CARHSP1: variants seen among roughly 807,000 people sequenced by gnomAD.
The protein encoded by CARHSP1 is calcium regulated heat stable protein 1.
In CARHSP1, 14 loss-of-function variants were observed where a neutral mutation model predicts 12.5. The ratio of observed to expected loss-of-function variants is 1.12; its 90% CI spans 0.74 to 1.75. CARHSP1 has a LOEUF of 1.75. Among genes scored for constraint, CARHSP1 ranks in the 40% most tolerant of loss-of-function variants. The pLI, the probability that CARHSP1 is intolerant of heterozygous loss-of-function variation, is 0.00. For synonymous variants in CARHSP1, 161 were observed against 82.0 expected (o/e 1.96, Z -5.20); for missense variants, 343 against 201.6 (o/e 1.70, Z -4.25).
At chr16:8,860,177 T>A in intron 1 of CARHSP1, 15 of 985,412 alleles carry the variant, frequency 1.5e-5, no homozygotes, top group Non-Finnish European at 1.8e-5. Flanking sequence ...TTTGGATCCC[T>A]GAGCAGCTGT....
intron 2 of CARHSP1, chr16:8,858,889 G>A (rs1037236919): frequency 1.2e-5 from 5 of 420,856 alleles, no homozygotes; most frequent in South Asian, 9.8e-5. Context: ...AGTCTCACAG[G>A]GAACCAGACT....
intron 1 of CARHSP1, among the ~76,000 whole-genome samples, chr16:8,865,220 C>T (rs993859693): frequency 6.6e-6 from 1 of 152,206 alleles, no homozygotes; most frequent in East Asian, 1.9e-4. Flanking sequence ...AGCGATTCTC[C>T]TGCCTTAGCC....
At chr16:8,857,289 T>TTTTTTTTTG in intron 3 of CARHSP1, among the ~76,000 whole-genome samples, 1 of 126,246 alleles carries the variant, frequency 7.9e-6, no homozygotes, top group African/African-American at 3.2e-5. Flanking sequence ...TTTTTTTTTT[T>TTTTTTTTTG]TTTTTTTTTT....
chr16:8,853,622 G>C lies in CARHSP1; in HGVS notation c.*1542C>G, dbSNP rs575451886. The C allele has an allele frequency of 1.3e-5, 2 of 152,318 alleles. No individual in the cohort carries two copies. The highest frequency in any genetic ancestry group is 2.4e-5 in the African/African-American group (1 of 41,562). The allele number at this position is 152,318 out of a possible 1,614,324, so 9.4% of individuals were successfully genotyped here. ...CTGGACGTTTACTGTCTGCCCAAAA[G>C]CCAGTTTCCAAAAGGTTTGCTTGCC... is the stretch of plus-strand genomic sequence containing the variant. On this transcript the variant is annotated 3_prime_UTR_variant, in exon 4 of 4. Transcript: ENST00000311052.
chr16:8,854,957 T>A lies in CARHSP1; in HGVS notation c.*207A>T, dbSNP rs1441486908. Reference sequence around the variant, plus strand: ...ATGCTCTTCAGATGGTGAGAGGTTGTTGCAATGGTCATAGGCTGTGCTGAT... The same window carrying A: ...ATGCTCTTCAGATGGTGAGAGGTTGATGCAATGGTCATAGGCTGTGCTGAT... On this transcript the variant is annotated 3_prime_UTR_variant, in exon 4 of 4. Coordinates refer to ENST00000311052, the MANE Select transcript of CARHSP1 (RefSeq NM_014316.4). 2.4e-6 allele frequency: 1 copy of A among 410,402 alleles called. No homozygotes were observed. The highest frequency in any genetic ancestry group is 4.3e-6 in the Non-Finnish European group (1 of 232,780). 25.4% of individuals were successfully genotyped at this position (410,402 alleles called of 1,614,324 possible).
intron 1 of CARHSP1, chr16:8,868,507 C>T (rs1480618687): frequency 6.7e-6 from 1 of 149,598 alleles, no homozygotes; most frequent in Non-Finnish European, 1.5e-5. Context: ...CCACCTCCCC[C>T]GCCGGGCCTG....
At chr16:8,860,269 C>T in intron 1 of CARHSP1, 1 of 982,880 alleles carries the variant, frequency 1.0e-6, no homozygotes, top group Non-Finnish European at 1.2e-6. Context: ...CATCCAGCTC[C>T]ATCAGGCCCA....
At chr16:8,860,288 C>G (rs1596537804) in intron 1 of CARHSP1, 12 of 984,124 alleles carry the variant, frequency 1.2e-5, no homozygotes, top group Non-Finnish European at 1.4e-5. Flanking sequence ...CAGTGAATTT[C>G]CACACAGCCC....
chr16:8,858,191 CAGG>C (rs1467852755), intron 3 of CARHSP1, 156 bp downstream of exon 3: 8 of 851,032 alleles, frequency 9.4e-6, no homozygotes, highest in South Asian at 3.5e-5. Flanking sequence ...AACACACACA[CAGG>C]AGCACAGCTG....
chr16:8,865,765 A>G (rs894291578), intron 1 of CARHSP1, among the ~76,000 whole-genome samples: 2 of 152,222 alleles, frequency 1.3e-5, no homozygotes, highest in East Asian at 1.9e-4. Context: ...CATCAACTAC[A>G]TGCACGTAAA....
rs1058929 is a variant in CARHSP1, at chr16:8,853,394, T to C, written c.*1770A>G. ...CAGAGGCGGGAGAGGAGGGTGAGGA[T>C]GTACAAGGAGCATCGCAGGCGAGGA... On this transcript the variant is annotated 3_prime_UTR_variant, in exon 4 of 4. Transcript: ENST00000311052. 67,220 of 151,780 alleles carry C rather than the reference T, an allele frequency of 0.44. 15,302 individuals are homozygous for C. Among genetic ancestry groups the C allele is most frequent in the African/African-American group, 0.55 (22,593 of 41,300 alleles). 9.4% of individuals were successfully genotyped at this position (151,780 alleles called of 1,614,324 possible).
At chr16:8,866,396 A>G (rs2061455488) in intron 1 of CARHSP1, 3 of 975,942 alleles carry the variant, frequency 3.1e-6, no homozygotes, top group Non-Finnish European at 3.7e-6. Flanking sequence ...GATCGGGGTG[A>G]GACTCTAGCA....
intron 1 of CARHSP1, among the ~76,000 whole-genome samples, chr16:8,865,270 C>A (rs1421498020): frequency 6.6e-6 from 1 of 152,126 alleles, no homozygotes; most frequent in East Asian, 1.9e-4. Flanking sequence ...CCACCACACC[C>A]AGCCAATTGT....
chr16:8,860,160 C>A (rs750149586), intron 1 of CARHSP1: 9 of 985,344 alleles, frequency 9.1e-6, no homozygotes, highest in South Asian at 4.7e-5. Context: ...AGAGCTCAAG[C>A]GCCACGTTTG....
chr16:8,856,516 G>A (rs192207787), intron 3 of CARHSP1, among the ~76,000 whole-genome samples: 1 of 151,464 alleles, frequency 6.6e-6, no homozygotes, highest in East Asian at 1.9e-4. Flanking sequence ...AATCCTTTCT[G>A]GGACAAGGCA....
intron 3 of CARHSP1, 24 bp downstream of exon 3, chr16:8,858,326 C>T: frequency 6.2e-7 from 1 of 1,610,250 alleles, no homozygotes; most frequent in Non-Finnish European, 8.5e-7. Context: ...CCAGCCAGGC[C>T]ACCCAGACCT....
At chr16:8,858,245 C>G (rs1174721527) in intron 3 of CARHSP1, 105 bp downstream of exon 3, 2 of 1,337,176 alleles carry the variant, frequency 1.5e-6, no homozygotes, top group Non-Finnish European at 1.0e-6. Flanking sequence ...CCCAGCCATT[C>G]GTCCTCACAC....
intron 1 of CARHSP1, among the ~76,000 whole-genome samples, chr16:8,863,696 C>T (rs934354036): frequency 6.6e-6 from 1 of 152,160 alleles, no homozygotes; most frequent in Admixed American, 6.5e-5. Flanking sequence ...CCCCAGTAGG[C>T]CCAGCAGAGA....
Position 8,853,259 on chromosome 16 carries a change from C to A in CARHSP1, c.*1905G>T, listed in dbSNP as rs937954333. 1 of 152,096 alleles carries A rather than the reference C, an allele frequency of 6.6e-6. No individual in the cohort carries two copies. Among genetic ancestry groups the A allele is most frequent in the African/African-American group, 2.4e-5 (1 of 41,384 alleles). The allele number at this position is 152,096 out of a possible 1,614,324, so 9.4% of individuals were successfully genotyped here. ...AGGCTTGGGGCAGTGAAAGCCCTCT[C>A]GGGTCTTGGCTGTGGAAGTGTGGAC... On this transcript the variant is annotated 3_prime_UTR_variant, in exon 4 of 4. Transcript: ENST00000311052.
Sources: allele counts gnomAD v4.1 joint callset (sites outside exome capture counted in the v4.1 genomes callset), GRCh38; gene constraint gnomAD v4.1.1; transcripts MANE v1.5; gene names NCBI Gene and HGNC (gene_info 2026-07-23, HGNC 2026-07-21).